The following LRP1B variants were observed in gnomAD, a reference collection of about 807,000 sequenced individuals.
The protein encoded by LRP1B is low-density lipoprotein receptor-related protein 1B.
In LRP1B, 217 loss-of-function variants were observed where a neutral mutation model predicts 556.6. The observed-to-expected ratio is 0.39, with a 90% CI of 0.35 to 0.44. The LOEUF (loss-of-function observed/expected upper bound fraction) is 0.44, where lower values mean the gene tolerates loss of function less well. LRP1B is among the 20% of genes least tolerant of loss of function. The probability of loss-of-function intolerance (pLI) is 1.00; values close to 1 mark genes in which losing one functional copy is unlikely to be tolerated. For synonymous variants in LRP1B, 2,047 were observed against 1,865.8 expected (o/e 1.10, Z -2.50); for missense variants, 5,053 against 5,620.8 (o/e 0.90, Z 3.23).
At chr2:141,038,588 G>A (rs557563996) in intron 11 of LRP1B, among the ~76,000 whole-genome samples, 17 of 152,156 alleles carry the variant, frequency 1.1e-4, no homozygotes, top group African/African-American at 3.1e-4. Context: ...AGCTAGTGTC[G>A]TGGGAGTTTT....
chr2:140,432,048 C>A (rs964351811), intron 66 of LRP1B, among the ~76,000 whole-genome samples: 2 of 152,192 alleles, frequency 1.3e-5, no homozygotes, highest in Non-Finnish European at 2.9e-5. Flanking sequence ...TGCACTTACA[C>A]ATCCAGATGG....
In LRP1B at chr2:141,651,749, T is replaced by C. The variant is rs146991443; in HGVS notation, c.205+158530A>G. On this transcript the variant is annotated intron_variant, in intron 2 of 90. Coordinates refer to ENST00000389484, the MANE Select transcript of LRP1B (RefSeq NM_018557.3). ...TGAAATTCAAATCTAACTGGGTATC[T>C]TGAATTTTTATTTGCTAAATATGAT... Among the ~76,000 whole-genome samples, 354 of 152,330 alleles carry C rather than the reference T, an allele frequency of 2.3e-3. 7 individuals are homozygous for C. Among genetic ancestry groups the C allele is most frequent in the Admixed American group, 0.021 (328 of 15,302 alleles).
intron 2 of LRP1B, among the ~76,000 whole-genome samples, chr2:141,561,534 T>C (rs1306626183): frequency 6.6e-6 from 1 of 151,880 alleles, no homozygotes; most frequent in Non-Finnish European, 1.5e-5. Context: ...CCTTTCTGCA[T>C]TACCAATTTC....
chr2:141,238,605 A>C (rs1683744854), intron 5 of LRP1B, among the ~76,000 whole-genome samples: 1 of 152,168 alleles, frequency 6.6e-6, no homozygotes, highest in African/African-American at 2.4e-5. Flanking sequence ...GTACATAAAA[A>C]AGATAATAAG....
rs1686671388 is a variant in LRP1B, at chr2:140,702,224, C to T, written c.6219G>A (p.Gly2073=). The T allele has an allele frequency of 6.2e-7, 1 of 1,613,770 alleles. No individual in the cohort carries two copies. Among genetic ancestry groups the T allele is most frequent in the East Asian group, 2.2e-5 (1 of 44,868 alleles). Reference sequence around the variant, plus strand: ...TTCCTGACAGCACCATCTCGCGATTCCCTCCAGTCTCAAGGTCGATTCTCT... The same window carrying T: ...TTCCTGACAGCACCATCTCGCGATTTCCTCCAGTCTCAAGGTCGATTCTCT... ...KIERIDLETG[G]NREMVLSGSN... Residue 2073 remains glycine, a synonymous_variant, in exon 39 of 91, where the codon GGG becomes GGA. Coordinates refer to ENST00000389484, the MANE Select transcript of LRP1B (RefSeq NM_018557.3).
chr2:141,686,420 A>G (rs987973668), intron 2 of LRP1B, among the ~76,000 whole-genome samples: 1 of 151,996 alleles, frequency 6.6e-6, no homozygotes, highest in Non-Finnish European at 1.5e-5. Context: ...GCTGTGTGCT[A>G]TATATACATA....
chr2:141,370,940 A>G (rs1328613314), intron 3 of LRP1B, among the ~76,000 whole-genome samples: 1 of 152,106 alleles, frequency 6.6e-6, no homozygotes, highest in Admixed American at 6.6e-5. Context: ...AGTTTGGCAA[A>G]AATCAGTAGC....
chr2:140,523,273 A>G (rs1195612978), intron 49 of LRP1B, among the ~76,000 whole-genome samples: 1 of 152,020 alleles, frequency 6.6e-6, no homozygotes, highest in East Asian at 1.9e-4. Flanking sequence ...CACTACATAA[A>G]CAGAATTAAG....
chr2:140,486,573 A>C (rs1021152567), intron 58 of LRP1B, among the ~76,000 whole-genome samples: 5 of 151,914 alleles, frequency 3.3e-5, no homozygotes, highest in African/African-American at 4.8e-5. Context: ...ATATGCTTTC[A>C]AAAATAGTAA....
chr2:141,079,411 G>A (rs189586862), intron 7 of LRP1B, among the ~76,000 whole-genome samples: 89 of 152,314 alleles, frequency 5.8e-4, no homozygotes, highest in African/African-American at 2.0e-3. Context: ...GTTAATTGAT[G>A]CATGTGCATT....
At chr2:140,367,861 C>T (rs1362700500) in intron 71 of LRP1B, among the ~76,000 whole-genome samples, 1 of 151,754 alleles carries the variant, frequency 6.6e-6, no homozygotes, top group Non-Finnish European at 1.5e-5. Context: ...TTAGAAAACT[C>T]TATTTGTATC....
rs778781610 is a variant in LRP1B at position 140,370,815 on chromosome 2, C to A, written c.10903G>T (p.Asp3635Tyr). 1 of 1,612,548 alleles carries A rather than the reference C, an allele frequency of 6.2e-7. No individual in the cohort carries two copies. The highest frequency in any genetic ancestry group is 8.5e-7 in the Non-Finnish European group (1 of 1,179,062). ...GCTTTATTTTTGCACCGAAACTGATCTTCCTTACATTCAGTCACACAGTCC... is the reference window on the plus strand; with the variant it reads ...GCTTTATTTTTGCACCGAAACTGATATTCCTTACATTCAGTCACACAGTCC... ...EMDCVTECKE[D>Y]QFRCKNKAHC... The change falls in exon 71 of 91, where the codon GAT (aspartate) becomes TAT (tyrosine). Residue 3635 changes from aspartate (D) to tyrosine (Y), a missense_variant. Asp to Tyr is a radical substitution (Grantham distance 160). Coordinates refer to ENST00000389484, the MANE Select transcript of LRP1B (RefSeq NM_018557.3).
At chr2:140,246,591 TAAA>T (rs1402842742) in intron 87 of LRP1B, among the ~76,000 whole-genome samples, 1 of 7,222 alleles carries the variant, frequency 1.4e-4, no homozygotes, top group African/African-American at 1.6e-4. Flanking sequence ...ACTTTAAAGA[TAAA>T]GAAGCAATAA....
chr2:140,855,459 C>T (rs1171006189), intron 27 of LRP1B, among the ~76,000 whole-genome samples: 1 of 128,216 alleles, frequency 7.8e-6, no homozygotes, highest in East Asian at 2.3e-4. Flanking sequence ...TAGAGACCAG[C>T]CTAGGCAAGA....
intron 8 of LRP1B, among the ~76,000 whole-genome samples, chr2:141,060,168 A>T (rs1574032150): frequency 6.6e-6 from 1 of 151,778 alleles, no homozygotes; most frequent in Non-Finnish European, 1.5e-5. Flanking sequence ...AGCATATATG[A>T]CTCATTACTT....
intron 2 of LRP1B, among the ~76,000 whole-genome samples, chr2:141,640,136 G>A (rs1689277720): frequency 6.6e-6 from 1 of 152,130 alleles, no homozygotes; most frequent in South Asian, 2.1e-4. Context: ...TAATGCCTCA[G>A]TACACACATT....
intron 2 of LRP1B, among the ~76,000 whole-genome samples, chr2:141,541,281 G>A (rs1685250495): frequency 6.6e-6 from 1 of 152,018 alleles, no homozygotes; most frequent in Non-Finnish European, 1.5e-5. Flanking sequence ...TTCATCTTTT[G>A]TTGAGACAGA....
intron 1 of LRP1B, among the ~76,000 whole-genome samples, chr2:142,006,005 T>C (rs1228715438): frequency 1.3e-5 from 2 of 152,036 alleles, no homozygotes; most frequent in East Asian, 1.9e-4. Context: ...AAATTGGCAA[T>C]GCTGACATTA....
chr2:141,513,766 C>T (rs960435232), intron 2 of LRP1B, among the ~76,000 whole-genome samples: 2 of 151,508 alleles, frequency 1.3e-5, no homozygotes, highest in Non-Finnish European at 2.9e-5. Flanking sequence ...AATCACACTC[C>T]AGATAGGGCC....
Sources: allele counts gnomAD v4.1 joint callset (sites outside exome capture counted in the v4.1 genomes callset), GRCh38; gene constraint gnomAD v4.1.1; transcripts MANE v1.5; gene names NCBI Gene and HGNC (gene_info 2026-07-23, HGNC 2026-07-21).